The following FLG variants were observed in gnomAD, a reference collection of about 807,000 sequenced individuals.
The protein encoded by FLG is filaggrin, also known as epidermal filaggrin.
FLG carries 6 observed loss-of-function variants against 3.8 expected under a neutral mutation model. That is an observed-to-expected ratio of 1.60 (90% CI 0.87 to 3.15). The LOEUF (loss-of-function observed/expected upper bound fraction) is 3.15. Ranked by LOEUF, FLG falls within the 30% of genes most tolerant of loss-of-function variation. The probability of loss-of-function intolerance (pLI) is 0.00; values close to 1 mark genes in which losing one functional copy is unlikely to be tolerated. For missense variants in FLG, 7,595 were observed against 5,050.9 expected, an observed-to-expected ratio of 1.50 and a Z score of -15.27; for synonymous variants, 2,551 against 1,931.6, an observed-to-expected ratio of 1.32 and a Z score of -8.41.
chr1:152,307,265 C>T lies in FLG; in HGVS notation c.7621G>A (p.Ala2541Thr). 6.2e-7 allele frequency: 1 copy of T among 1,613,158 alleles called. No individual in the cohort carries two copies. Among genetic ancestry groups the T allele is most frequent in the Non-Finnish European group, 8.5e-7 (1 of 1,179,978 alleles). The change falls in exon 3 of 3, where the codon GCC becomes ACC. Residue 2541 changes from alanine to threonine, a missense_variant. Physicochemically the swap from Ala to Thr is moderately conservative, Grantham distance 58 (BLOSUM62 0). Transcript: ENST00000368799. ...GSRHHEASSR[A>T]DSSGHSQVGQ... is the part of the protein sequence containing the mutation. ...ACCTGCGAGTGTCCAGAGCTGTCGG[C>T]CCGAGAGGAAGCTTCATGGTGACGC...
Position 152,311,821 on chromosome 1 carries a change from T to C in FLG, c.3065A>G (p.His1022Arg). Reference sequence around the variant, plus strand: ...TCCTGGACTTGATCTTGCCTGTTCATGGGATGACGCAGCCTGTCCACCAGA... The same window carrying C: ...TCCTGGACTTGATCTTGCCTGTTCACGGGATGACGCAGCCTGTCCACCAGA... ...TSSGGQAASS[H>R]EQARSSPGER... The change falls in exon 3 of 3, where the codon CAT becomes CGT. Residue 1022 changes from histidine to arginine, a missense_variant. Transcript: ENST00000368799. 1 of 1,614,102 alleles carries C rather than the reference T, an allele frequency of 6.2e-7. No homozygotes were observed. The highest frequency in any genetic ancestry group is 8.5e-7 in the Non-Finnish European group (1 of 1,180,004).
rs766514474 is a variant in FLG at position 152,311,729 on chromosome 1, G to T, written c.3157C>A (p.Gln1053Lys). ...CTGTCTCTGACTGCAGATGAAGCTT[G>T]TCTGCGCGGAATGCCTGAGTGTCTG... is the stretch of plus-strand genomic sequence containing the variant. ...SSRHSGIPRR[Q>K]ASSAVRDSGH... is the part of the protein sequence containing the mutation. Residue 1053 changes from glutamine to lysine, a missense_variant, in exon 3 of 3, where the codon CAA becomes AAA. Gln to Lys is a moderately conservative substitution (Grantham distance 53, BLOSUM62 1). Coordinates refer to ENST00000368799, the MANE Select transcript of FLG (RefSeq NM_002016.2). 9 of 1,614,108 alleles carry T rather than the reference G, an allele frequency of 5.6e-6. No individual in the cohort carries two copies. Among genetic ancestry groups the T allele is most frequent in the South Asian group, 5.5e-5 (5 of 91,074 alleles).
intron 1 of FLG, among the ~76,000 whole-genome samples, chr1:152,323,823 C>A (rs1041608854): frequency 6.6e-6 from 1 of 151,494 alleles, no homozygotes; most frequent in Non-Finnish European, 1.5e-5. Context: ...AAAAGTAGTA[C>A]ACAAAAAAGT....
rs368391141 is a variant in FLG, at chr1:152,311,942, A to G, written c.2944T>C (p.Ser982Pro). ...TCGTGATGGGACCTGGGGTGTCTGGAGCCATGTCTTGACTGCTCCTGAGCA... is the reference window on the plus strand; with the variant it reads ...TCGTGATGGGACCTGGGGTGTCTGGGGCCATGTCTTGACTGCTCCTGAGCA... ...GSAQEQSRHG[S>P]RHPRSHHEDR... is the part of the protein sequence containing the mutation. Residue 982 changes from serine to proline, a missense_variant, in exon 3 of 3, where the codon TCC (serine) becomes CCC (proline). Ser to Pro is a moderately conservative substitution (Grantham distance 74). Transcript: ENST00000368799. The G allele has an allele frequency of 1.4e-5, 23 of 1,613,942 alleles. No homozygotes were observed. In the Middle Eastern group the frequency reaches 4.9e-4, roughly 35 times the overall value.
At position 152,309,537 on chromosome 1, in the gene FLG, C is replaced by T. The variant is rs1379623745; in HGVS notation, c.5349G>A (p.Gly1783=). The change falls in exon 3 of 3, where the codon GGG becomes GGA. Residue 1783 remains glycine (G), a synonymous_variant. Transcript: ENST00000368799. ...EQSESAHGRT[G]PSTGGRQRSR... Reference sequence around the variant, plus strand: ...ATCTTTGTCTTCCTCCAGTGCTGGGCCCTGTGCGTCCATGGGCGGACTCAG... The same window carrying T: ...ATCTTTGTCTTCCTCCAGTGCTGGGTCCTGTGCGTCCATGGGCGGACTCAG... 21 of 1,613,702 alleles carry T rather than the reference C, an allele frequency of 1.3e-5. No homozygotes were observed. The highest frequency in any genetic ancestry group is 1.8e-5 in the Non-Finnish European group (21 of 1,179,968).
rs747131153 is a variant in FLG at position 152,311,898 on chromosome 1, C to G, written c.2988G>C (p.Gly996=). ...RSHHEDRAGH[G]HSADSSRQSG... ...ATTGTCTGGAGCTGTCTGCAGAGTG[C>G]CCGTGACCGGCTCTGTCTTCGTGAT... The change falls in exon 3 of 3, where the codon GGG becomes GGC. Residue 996 remains glycine (G), a synonymous_variant. Coordinates refer to ENST00000368799, the MANE Select transcript of FLG (RefSeq NM_002016.2). The G allele has an allele frequency of 6.2e-7, 1 of 1,614,102 alleles. No individual in the cohort carries two copies.
Position 152,303,637 on chromosome 1 carries a change from G to C in FLG, c.11249C>G (p.Ala3750Gly), listed in dbSNP as rs769188915. 111 of 1,613,378 alleles carry C rather than the reference G, an allele frequency of 6.9e-5. No homozygotes were observed. Among genetic ancestry groups the C allele is most frequent in the Non-Finnish European group, 9.2e-5 (109 of 1,179,826 alleles). Residue 3750 changes from alanine (A) to glycine (G), a missense_variant, in exon 3 of 3, where the codon GCG becomes GGG. Coordinates refer to ENST00000368799, the MANE Select transcript of FLG (RefSeq NM_002016.2). ...AATGGTGTCCTGACCCTCTTGGGAC[G>C]CTGAGTGCCTGGAGCTGTCTCGTGC... is the stretch of plus-strand genomic sequence containing the variant. ...EQARDSSRHSASQEGQDTIRG... is the reference protein window; with the variant it reads ...EQARDSSRHSGSQEGQDTIRG...
In FLG at chr1:152,314,540, C is replaced by T. The variant is rs751519390; in HGVS notation, c.346G>A (p.Glu116Lys). ...CTTTTTCTGTTTTCTTTGTTTTCTT[C>T]CTGTTTATTATCTTCATGTTTATCA... ...HHDKHEDNKQ[E>K]ENKENRKRPS... Residue 116 changes from glutamate to lysine, a missense_variant, in exon 3 of 3, where the codon GAA (glutamate) becomes AAA (lysine). Transcript: ENST00000368799. The T allele has an allele frequency of 6.2e-7, 1 of 1,613,070 alleles. No homozygotes were observed. Among genetic ancestry groups the T allele is most frequent in the African/African-American group, 1.3e-5 (1 of 74,646 alleles).
chr1:152,302,542 A>G lies in FLG; in HGVS notation c.*158T>C. ...TAGCGTTTAAAGATCATTACACAAT[A>G]AAAATAAGCTACCACCAAACTAATG... is the stretch of plus-strand genomic sequence containing the variant. On this transcript the variant is annotated 3_prime_UTR_variant, in exon 3 of 3. Coordinates refer to ENST00000368799, the MANE Select transcript of FLG (RefSeq NM_002016.2). 1 of 916,762 alleles carries G rather than the reference A, an allele frequency of 1.1e-6. No individual in the cohort carries two copies. The highest frequency in any genetic ancestry group is 2.6e-5 in the East Asian group (1 of 37,878). The allele number at this position is 916,762 out of a possible 1,614,324, so 56.8% of individuals were successfully genotyped here. A position where few individuals can be genotyped will look rare whatever the true frequency, so the allele number is the denominator to read the frequency against.
rs200551704 is a variant in FLG, at chr1:152,310,465, C to A, written c.4421G>T (p.Arg1474Leu). The A allele has an allele frequency of 1.2e-6, 2 of 1,613,502 alleles. No homozygotes were observed. Among genetic ancestry groups the A allele is most frequent in the South Asian group, 1.1e-5 (1 of 91,052 alleles). Reference sequence around the variant, plus strand: ...GGATGCTGAGTGCCTAGAGCTGTTTCGTGCCTGCTCATGGCGGGATCCTTG... The same window carrying A: ...GGATGCTGAGTGCCTAGAGCTGTTTAGTGCCTGCTCATGGCGGGATCCTTG... Reference protein sequence around the residue: ...GRQGSRHEQARNSSRHSASQD... With the variant: ...GRQGSRHEQALNSSRHSASQD... Residue 1474 changes from arginine to leucine, a missense_variant, in exon 3 of 3, where the codon CGA becomes CTA. Physicochemically the swap from Arg to Leu is moderately radical, Grantham distance 102. Coordinates refer to ENST00000368799, the MANE Select transcript of FLG (RefSeq NM_002016.2).
chr1:152,308,739 T>G lies in FLG; in HGVS notation c.6147A>C (p.Gly2049=), dbSNP rs1557875787. The change falls in exon 3 of 3, where the codon GGA becomes GGC. Residue 2049 remains glycine (G), a synonymous_variant. Coordinates refer to ENST00000368799, the MANE Select transcript of FLG (RefSeq NM_002016.2). Reference sequence around the variant, plus strand: ...ACTGTGTGTCTGAGTCTTCTGAATGTCCCTCACTGTCACTGGCCTGACTAC... The same window carrying G: ...ACTGTGTGTCTGAGTCTTCTGAATGGCCCTCACTGTCACTGGCCTGACTAC... ...YSGSQASDSE[G]HSEDSDTQSV... 6.2e-7 allele frequency: 1 copy of G among 1,614,114 alleles called. No homozygotes were observed. Among genetic ancestry groups the G allele is most frequent in the Non-Finnish European group, 8.5e-7 (1 of 1,179,992 alleles).
Position 152,314,258 on chromosome 1 carries a change from T to C in FLG, c.628A>G (p.Asn210Asp). 6.2e-7 allele frequency: 1 copy of C among 1,613,754 alleles called. No individual in the cohort carries two copies. Among genetic ancestry groups the C allele is most frequent in the Non-Finnish European group, 8.5e-7 (1 of 1,179,898 alleles). Residue 210 changes from asparagine (N) to aspartate (D), a missense_variant, in exon 3 of 3, where the codon AAT becomes GAT. Physicochemically the swap from Asn to Asp is conservative, Grantham distance 23. Transcript: ENST00000368799. ...LSERLEEKED[N>D]EEGVYDYENT... The stretch of plus-strand genomic sequence containing the variant: ...TCATAATCATATACTCCTTCTTCAT[T>C]GTCTTCTTTCTCTTCAAGTCTTTCA...
In FLG at chr1:152,312,387, T is replaced by A. The variant is rs1391561972; in HGVS notation, c.2499A>T (p.Ala833=). The A allele has an allele frequency of 1.2e-6, 2 of 1,611,258 alleles. No homozygotes were observed. Among genetic ancestry groups the A allele is most frequent in the Non-Finnish European group, 1.7e-6 (2 of 1,179,226 alleles). The part of the protein sequence containing the change: ...EQARDNSRHS[A]SQDGQDTIRG... ...GAATGGTGTCCTGACCATCTTGGGA[T>A]GCTGAGTGCCTGGAGTTGTCTCGTG... Residue 833 remains alanine (A), a synonymous_variant, in exon 3 of 3, where the codon GCA becomes GCT. Coordinates refer to ENST00000368799, the MANE Select transcript of FLG (RefSeq NM_002016.2).
At chr1:152,323,626 GA>G (rs908161852) in intron 1 of FLG, among the ~76,000 whole-genome samples, 3 of 149,074 alleles carry the variant, frequency 2.0e-5, no homozygotes, top group Non-Finnish European at 1.5e-5. Flanking sequence ...AGATAAGAAA[GA>G]AAAAAATCCT....
Position 152,310,440 on chromosome 1 carries a change from G to A in FLG, c.4446C>T (p.Ser1482=). ...QARNSSRHSA[S]QDGQDTIRGH... ...CACGAATGGTGTCCTGACCGTCTTG[G>A]GATGCTGAGTGCCTAGAGCTGTTTC... is the stretch of plus-strand genomic sequence containing the variant. The change falls in exon 3 of 3, where the codon TCC becomes TCT. Residue 1482 remains serine, a synonymous_variant. Transcript: ENST00000368799. 1.2e-6 allele frequency: 2 copies of A among 1,613,296 alleles called. No homozygotes were observed. Among genetic ancestry groups the A allele is most frequent in the Non-Finnish European group, 1.7e-6 (2 of 1,179,740 alleles).
Position 152,311,608 on chromosome 1 carries a change from C to T in FLG, c.3278G>A (p.Gly1093Glu). 6.2e-7 allele frequency: 1 copy of T among 1,614,078 alleles called. No homozygotes were observed. Among genetic ancestry groups the T allele is most frequent in the Non-Finnish European group, 8.5e-7 (1 of 1,180,022 alleles). The part of the protein sequence containing the change: ...TQSVSGHGQD[G>E]PHQQSHQESA... ...CTCTTGGTGGCTCTGCTGATGGGGC[C>T]CATCCTGTCCATGGCCTGACACTGA... The change falls in exon 3 of 3, where the codon GGG becomes GAG. Residue 1093 changes from glycine (G) to glutamate (E), a missense_variant. By Grantham distance (98) the Gly-to-Glu change is moderately conservative. Coordinates refer to ENST00000368799, the MANE Select transcript of FLG (RefSeq NM_002016.2).
In FLG at chr1:152,307,607, C is replaced by A. The variant is rs150216268; in HGVS notation, c.7279G>T (p.Ala2427Ser). The change falls in exon 3 of 3, where the codon GCC becomes TCC. Residue 2427 changes from alanine (A) to serine (S), a missense_variant. Ala to Ser is a moderately conservative substitution (Grantham distance 99, BLOSUM62 1). Transcript: ENST00000368799. ...GTGCTGGTCCCGGTCCGTCCATGGG[C>A]GGACTCAGACTGTTCATGAGTGCTC... ...QVSTHEQSES[A>S]HGRTGTSTGG... is the part of the protein sequence containing the mutation. 2.2e-4 allele frequency: 347 copies of A among 1,613,478 alleles called. No individual in the cohort carries two copies. Among genetic ancestry groups the A allele is most frequent in the Middle Eastern group, 1.2e-3 (7 of 6,056 alleles).
Position 152,302,689 on chromosome 1 carries a change from C to A in FLG, c.*11G>T. On this transcript the variant is annotated 3_prime_UTR_variant, in exon 3 of 3. Transcript: ENST00000368799. ...TTCTATTCTTGGATTAATTCCTTTGCCATTAATTTCTTACTCATAGTAATA... is the reference window on the plus strand; with the variant it reads ...TTCTATTCTTGGATTAATTCCTTTGACATTAATTTCTTACTCATAGTAATA... 1 of 1,612,454 alleles carries A rather than the reference C, an allele frequency of 6.2e-7. No individual in the cohort carries two copies. Among genetic ancestry groups the A allele is most frequent in the Non-Finnish European group, 8.5e-7 (1 of 1,178,854 alleles).
At position 152,311,488 on chromosome 1, in the gene FLG, C is replaced by T. The variant is rs773295506; in HGVS notation, c.3398G>A (p.Arg1133Gln). Residue 1133 changes from arginine (R) to glutamine (Q), a missense_variant, in exon 3 of 3, where the codon CGG (arginine) becomes CAG (glutamine). Physicochemically the swap from Arg to Gln is conservative, Grantham distance 43. Transcript: ENST00000368799. ...THEQSESAHGRTRTSTGRRQG... is the reference protein window; with the variant it reads ...THEQSESAHGQTRTSTGRRQG... The stretch of plus-strand genomic sequence containing the variant: ...TCTTCGTCCAGTGCTGGTCCTGGTC[C>T]GCCCATGGGCAGACTCAGACTGTTC... 87 of 1,613,618 alleles carry T rather than the reference C, an allele frequency of 5.4e-5. No individual in the cohort carries two copies. Among genetic ancestry groups the T allele is most frequent in the South Asian group, 1.6e-4 (15 of 91,048 alleles).
Sources: allele counts gnomAD v4.1 joint callset (sites outside exome capture counted in the v4.1 genomes callset), GRCh38; gene constraint gnomAD v4.1.1; transcripts MANE v1.5; gene names NCBI Gene and HGNC (gene_info 2026-07-23, HGNC 2026-07-21).